Variants in AHNAK2 observed in about 807,000 individuals in gnomAD.
AHNAK2 encodes protein AHNAK2.
AHNAK2 carries 18 observed loss-of-function variants against 30.7 expected under a neutral mutation model. The observed-to-expected ratio is 0.59, with a 90% CI of 0.41 to 0.87. The LOEUF (loss-of-function observed/expected upper bound fraction) is 0.87, where lower values mean the gene tolerates loss of function less well. Among genes scored for constraint, AHNAK2 ranks in the 40% least tolerant of loss-of-function variants. The pLI, the probability that AHNAK2 is intolerant of heterozygous loss-of-function variation, is 0.00. For synonymous variants in AHNAK2, 3,590 were observed against 3,073.8 expected, an observed-to-expected ratio of 1.17 and a Z score of -5.56; for missense variants, 8,604 against 7,373.0, an observed-to-expected ratio of 1.17 and a Z score of -6.11.
intron 1 of AHNAK2, among the ~76,000 whole-genome samples, chr14:104,958,397 G>A (rs1430131460): frequency 6.6e-6 from 1 of 152,070 alleles, no homozygotes; most frequent in Non-Finnish European, 1.5e-5. Context: ...GTGGTGAGCC[G>A]AGATTGTGCC....
intron 1 of AHNAK2, 58 bp from the exon 2 acceptor site, chr14:104,957,730 C>G (rs927458485): frequency 1.9e-6 from 3 of 1,543,390 alleles, no homozygotes; most frequent in Non-Finnish European, 2.6e-6. Context: ...GATCGGGGCC[C>G]GGGGGAGGGA....
chr14:104,941,094 GGA>G lies in AHNAK2; in HGVS notation c.14355_14356del (p.Pro4786LeufsTer2), dbSNP rs764907098. The G allele has an allele frequency of 6.2e-7, 1 of 1,613,704 alleles. No homozygotes were observed. Among genetic ancestry groups the G allele is most frequent in the South Asian group, 1.1e-5 (1 of 91,080 alleles). On this transcript the variant is annotated frameshift_variant, in exon 7 of 7. Coordinates refer to ENST00000333244, the MANE Select transcript of AHNAK2 (RefSeq NM_138420.4). LOFTEE classifies it low-confidence loss of function (END_TRUNC). ...TTTTGTAAGTGTAACATCCTCACAG[GGA>G]GAGAGAATAGAAGATTCAAAGTGAG...
intron 1 of AHNAK2, among the ~76,000 whole-genome samples, chr14:104,965,238 T>C (rs932010814): frequency 1.1e-4 from 17 of 151,712 alleles, no homozygotes; most frequent in Middle Eastern, 3.4e-3. Context: ...CCATCTCTAC[T>C]AAAAATACAA....
chr14:104,971,284 T>A (rs1248428157), intron 1 of AHNAK2, among the ~76,000 whole-genome samples: 1 of 152,118 alleles, frequency 6.6e-6, no homozygotes, highest in Admixed American at 6.5e-5. Flanking sequence ...TGGCTAATTT[T>A]AAAAATTTTT....
Position 104,978,263 on chromosome 14 carries a change from G to A in AHNAK2, c.-26C>T, listed in dbSNP as rs1307543771. 4 of 1,180,690 alleles carry A rather than the reference G, an allele frequency of 3.4e-6. No individual in the cohort carries two copies. Among genetic ancestry groups the A allele is most frequent in the African/African-American group, 1.6e-5 (1 of 62,286 alleles). 73.1% of individuals were successfully genotyped at this position (1,180,690 alleles called of 1,614,324 possible). A position where few individuals can be genotyped will look rare whatever the true frequency, so the allele number is the denominator to read the frequency against. On this transcript the variant is annotated 5_prime_UTR_variant, in exon 1 of 7. Transcript: ENST00000333244. ...CGCGGCGGCCAGGCGGTGCGGGCCTGGCGGCCCGTCGCGTCCAGTCGCTGG... is the reference window on the plus strand; with the variant it reads ...CGCGGCGGCCAGGCGGTGCGGGCCTAGCGGCCCGTCGCGTCCAGTCGCTGG...
Position 104,944,130 on chromosome 14 carries a change from T to C in AHNAK2, c.11321A>G (p.Gln3774Arg). 6.2e-7 allele frequency: 1 copy of C among 1,613,280 alleles called. No homozygotes were observed. The highest frequency in any genetic ancestry group is 8.5e-7 in the Non-Finnish European group (1 of 1,179,672). ...VSLPSVEVDVQAPRAKLDSAQ... is the reference protein window; with the variant it reads ...VSLPSVEVDVRAPRAKLDSAQ... Reference sequence around the variant, plus strand: ...ACTATCCAGTTTGGCTCTTGGGGCCTGGACGTCCACCTCCACGCTGGGCAG... The same window carrying C: ...ACTATCCAGTTTGGCTCTTGGGGCCCGGACGTCCACCTCCACGCTGGGCAG... Residue 3774 changes from glutamine (Q) to arginine (R), a missense_variant, in exon 7 of 7, where the codon CAG (glutamine) becomes CGG (arginine). By Grantham distance (43) the Gln-to-Arg change is conservative. Transcript: ENST00000333244.
chr14:104,959,180 A>T (rs12100865), intron 1 of AHNAK2, among the ~76,000 whole-genome samples: 1,681 of 150,756 alleles, frequency 0.011, 25 homozygotes, highest in African/African-American at 0.039. Context: ...ACAAAAAAAA[A>T]TTTTTTTTTT....
intron 1 of AHNAK2, among the ~76,000 whole-genome samples, chr14:104,967,261 G>T (rs557127669): frequency 1.3e-5 from 2 of 152,004 alleles, no homozygotes; most frequent in East Asian, 3.9e-4. Context: ...GGTTGGGGGT[G>T]GGGGGCAGCT....
At position 104,947,728 on chromosome 14, in the gene AHNAK2, T is replaced by G. The variant is rs769850972; in HGVS notation, c.7723A>C (p.Lys2575Gln). Reference sequence around the variant, plus strand: ...CCCTTGAGGTCCATTTCAGGCATCTTGAAACTGGGCATCTGCACCTTGGGC... The same window carrying G: ...CCCTTGAGGTCCATTTCAGGCATCTGGAAACTGGGCATCTGCACCTTGGGC... ...HLPKVQMPSF[K>Q]MPEMDLKGPQ... The change falls in exon 7 of 7, where the codon AAG becomes CAG. Residue 2575 changes from lysine to glutamine, a missense_variant. Physicochemically the swap from Lys to Gln is moderately conservative, Grantham distance 53. Coordinates refer to ENST00000333244, the MANE Select transcript of AHNAK2 (RefSeq NM_138420.4). 1.2e-6 allele frequency: 2 copies of G among 1,612,420 alleles called. No homozygotes were observed. The highest frequency in any genetic ancestry group is 1.7e-6 in the Non-Finnish European group (2 of 1,179,478).
In AHNAK2 at chr14:104,942,045, T is replaced by A. The variant is rs1164050228; in HGVS notation, c.13406A>T (p.Lys4469Met). 1 of 1,611,528 alleles carries A rather than the reference T, an allele frequency of 6.2e-7. No homozygotes were observed. Among genetic ancestry groups the A allele is most frequent in the South Asian group, 1.1e-5 (1 of 90,976 alleles). ...GGACAACATCCCAAAGGATGGCATC[T>A]TGAACTTGGGCATTTTGAACTTGCT... ...KDSKFKMPKF[K>M]MPSFGMLSPG... The change falls in exon 7 of 7, where the codon AAG (lysine) becomes ATG (methionine). Residue 4469 changes from lysine to methionine, a missense_variant. Physicochemically the swap from Lys to Met is moderately conservative, Grantham distance 95 (BLOSUM62 -1). Coordinates refer to ENST00000333244, the MANE Select transcript of AHNAK2 (RefSeq NM_138420.4).
At position 104,948,565 on chromosome 14, in the gene AHNAK2, C is replaced by T. The variant is rs771785257; in HGVS notation, c.6886G>A (p.Asp2296Asn). Residue 2296 changes from aspartate to asparagine, a missense_variant, in exon 7 of 7, where the codon GAT (aspartate) becomes AAT (asparagine). Coordinates refer to ENST00000333244, the MANE Select transcript of AHNAK2 (RefSeq NM_138420.4). ...VDVKAPGAKL[D>N]GARLEGDMSL... ...ATGTCCCCCTCCAGCCGCGCACCAT[C>T]CAGCTTGGCTCCTGGGGCCTTGACG... 6.2e-7 allele frequency: 1 copy of T among 1,612,758 alleles called. No homozygotes were observed. The highest frequency in any genetic ancestry group is 1.1e-5 in the South Asian group (1 of 91,052).
intron 1 of AHNAK2, among the ~76,000 whole-genome samples, chr14:104,967,697 C>T (rs1393323999): frequency 3.3e-5 from 5 of 152,196 alleles, no homozygotes; most frequent in Non-Finnish European, 7.4e-5. Flanking sequence ...GGCCACAGAG[C>T]TGCGCAGTGG....
At position 104,954,110 on chromosome 14, in the gene AHNAK2, G is replaced by T. The variant is rs1898892895; in HGVS notation, c.1341C>A (p.Ser447Arg). The T allele has an allele frequency of 6.2e-7, 1 of 1,612,164 alleles. No individual in the cohort carries two copies. Among genetic ancestry groups the T allele is most frequent in the Non-Finnish European group, 8.5e-7 (1 of 1,179,850 alleles). The change falls in exon 7 of 7, where the codon AGC becomes AGA. Residue 447 changes from serine to arginine, a missense_variant. Ser to Arg is a moderately radical substitution (Grantham distance 110). Transcript: ENST00000333244. This position sits in a 1 kb window ranked among gnomAD's most constrained non-coding sequence, Gnocchi z 4.3. Reference sequence around the variant, plus strand: ...GCAGTCCCTCGCCTTCACCCTCCCGGCTCATTCCAGGAGTTGGCTGGGCCC... The same window carrying T: ...GCAGTCCCTCGCCTTCACCCTCCCGTCTCATTCCAGGAGTTGGCTGGGCCC... ...KPRAQPTPGM[S>R]REGEGEGLQS...
chr14:104,954,185 C>T lies in AHNAK2; in HGVS notation c.1266G>A (p.Lys422=), dbSNP rs752794853. 1 of 1,610,178 alleles carries T rather than the reference C, an allele frequency of 6.2e-7. No individual in the cohort carries two copies. The highest frequency in any genetic ancestry group is 8.5e-7 in the Non-Finnish European group (1 of 1,179,762). Residue 422 remains lysine (K), a synonymous_variant, in exon 7 of 7, where the codon AAG becomes AAA. Coordinates refer to ENST00000333244, the MANE Select transcript of AHNAK2 (RefSeq NM_138420.4). This position sits in a 1 kb window ranked among gnomAD's most constrained non-coding sequence, Gnocchi z 4.3. Reference sequence around the variant, plus strand: ...TCTCCTGTGCCTGCCCCTCCAGGGTCTTTCCATGGAGCCTGGCTGCCCTGA... The same window carrying T: ...TCTCCTGTGCCTGCCCCTCCAGGGTTTTTCCATGGAGCCTGGCTGCCCTGA... ...GGLRAARLHG[K]TLEGQAQETA...
rs771061959 is a variant in AHNAK2 at position 104,946,789 on chromosome 14, C to G, written c.8662G>C (p.Glu2888Gln). The change falls in exon 7 of 7, where the codon GAG (glutamate) becomes CAG (glutamine). Residue 2888 changes from glutamate (E) to glutamine (Q), a missense_variant. Transcript: ENST00000333244. ...DVKLPEGHVPEGAGLKGHLPK... is the reference protein window; with the variant it reads ...DVKLPEGHVPQGAGLKGHLPK... The stretch of plus-strand genomic sequence containing the variant: ...AGGTGCCCTTTGAGGCCGGCTCCCT[C>G]GGGAACGTGGCCCTCTGGGAGTTTC... 13 of 1,612,792 alleles carry G rather than the reference C, an allele frequency of 8.1e-6. No individual in the cohort carries two copies. The East Asian group carries it at 1.8e-4, about 22-fold the overall frequency.
rs762515126 is a variant in AHNAK2, at chr14:104,954,138, G to A, written c.1313C>T (p.Pro438Leu). 9.9e-6 allele frequency: 16 copies of A among 1,610,902 alleles called. No individual in the cohort carries two copies. Among genetic ancestry groups the A allele is most frequent in the Non-Finnish European group, 1.3e-5 (15 of 1,179,856 alleles). The change falls in exon 7 of 7, where the codon CCC becomes CTC. Residue 438 changes from proline (P) to leucine (L), a missense_variant. Pro to Leu is a moderately conservative substitution (Grantham distance 98). Transcript: ENST00000333244. This position sits in a 1 kb window ranked among gnomAD's most constrained non-coding sequence, Gnocchi z 4.3. ...CATTCCAGGAGTTGGCTGGGCCCTG[G>A]GCTTCCTCTGGGCCACTGCTGTCTC... ...AQETAVAQRKPRAQPTPGMSR... is the reference protein window; with the variant it reads ...AQETAVAQRKLRAQPTPGMSR...
rs200306403 is a variant in AHNAK2 at position 104,944,362 on chromosome 14, C to T, written c.11089G>A (p.Val3697Ile). 6.2e-7 allele frequency: 1 copy of T among 1,612,684 alleles called. No individual in the cohort carries two copies. The highest frequency in any genetic ancestry group is 1.7e-5 in the Admixed American group (1 of 59,892). ...SIQPPSADLK[V>I]QAGQMDVKLP... ...TTCACATCCATCTGGCCAGCCTGGA[C>T]CTTCAGGTCGGCAGAAGGGGGCTGA... The change falls in exon 7 of 7, where the codon GTC (valine) becomes ATC (isoleucine). Residue 3697 changes from valine (V) to isoleucine (I), a missense_variant. Physicochemically the swap from Val to Ile is conservative, Grantham distance 29. Transcript: ENST00000333244.
chr14:104,952,032 A>C lies in AHNAK2; in HGVS notation c.3419T>G (p.Leu1140Arg). The C allele has an allele frequency of 6.2e-7, 1 of 1,612,528 alleles. No homozygotes were observed. The highest frequency in any genetic ancestry group is 8.5e-7 in the Non-Finnish European group (1 of 1,179,576). Residue 1140 changes from leucine to arginine, a missense_variant, in exon 7 of 7, where the codon CTG becomes CGG. Leu to Arg is a moderately radical substitution (Grantham distance 102, BLOSUM62 -2). Coordinates refer to ENST00000333244, the MANE Select transcript of AHNAK2 (RefSeq NM_138420.4). ...EVDVEAPGAKLDSARLEGELS... is the reference protein window; with the variant it reads ...EVDVEAPGAKRDSARLEGELS... ...TTCCCCCTCCAGCCGCGCACTGTCC[A>C]GCTTGGCTCCCGGGGCCTCGACGTC...
Position 104,942,421 on chromosome 14 carries a change from T to C in AHNAK2, c.13030A>G (p.Thr4344Ala), listed in dbSNP as rs771759231. 5.6e-6 allele frequency: 9 copies of C among 1,611,802 alleles called. No homozygotes were observed. The highest frequency in any genetic ancestry group is 1.3e-5 in the African/African-American group (1 of 74,246). ...GAAGGGGGCTGAATGCTGAGGTGAG[T>C]GGTCTTCAGGTCCCCCTGCATGGAG... is the stretch of plus-strand genomic sequence containing the variant. ...LPSMQGDLKT[T>A]HLSIQPPSAD... The change falls in exon 7 of 7, where the codon ACT (threonine) becomes GCT (alanine). Residue 4344 changes from threonine to alanine, a missense_variant. Thr to Ala is a moderately conservative substitution (Grantham distance 58, BLOSUM62 0). Transcript: ENST00000333244.
Sources: gnomAD v4.1 joint callset for allele counts (sites outside exome capture counted in the v4.1 genomes callset) on GRCh38, gnomAD v4.1.1 for gene constraint, Gnocchi (gnomAD v3.1) non-coding constraint, MANE v1.5 for transcripts, NCBI Gene and HGNC (gene_info 2026-07-23, HGNC 2026-07-21) for gene names.